Variants in SLC35D4 observed in about 807,000 individuals in gnomAD.
The protein encoded by SLC35D4 is solute carrier family 35 member D4, also known as UDP-N-acetylglucosamine transporter SLC35D4.
the SLC35D4 span, among the ~76,000 whole-genome samples, chr18:23,349,281 T>A: frequency 6.6e-6 from 1 of 152,240 alleles, no homozygotes; most frequent in East Asian, 1.9e-4. Flanking sequence ...TGTTTGTTGC[T>A]ATATTTGATG....
At chr18:23,287,227 C>A in the SLC35D4 span, among the ~76,000 whole-genome samples, 1 of 152,122 alleles carries the variant, frequency 6.6e-6, no homozygotes, top group Non-Finnish European at 1.5e-5. Flanking sequence ...CTATCCACCC[C>A]GTGGTGCCAA....
chr18:23,406,108 A>C, the SLC35D4 span, among the ~76,000 whole-genome samples: 4 of 152,242 alleles, frequency 2.6e-5, no homozygotes, highest in Non-Finnish European at 5.9e-5. Flanking sequence ...AGATATAGCA[A>C]CAAGTGATAC....
chr18:23,396,292 C>T, the SLC35D4 span, among the ~76,000 whole-genome samples: 4 of 152,190 alleles, frequency 2.6e-5, no homozygotes, highest in East Asian at 5.8e-4. Flanking sequence ...AATACATCTA[C>T]GGATTTTAAT....
the SLC35D4 span, among the ~76,000 whole-genome samples, chr18:23,425,094 C>T: frequency 6.6e-6 from 1 of 152,010 alleles, no homozygotes; most frequent in African/African-American, 2.4e-5. Context: ...AGAAAAATGA[C>T]TTTATTATTT....
the SLC35D4 span, among the ~76,000 whole-genome samples, chr18:23,274,451 G>C: frequency 2.6e-5 from 4 of 152,330 alleles, no homozygotes; most frequent in East Asian, 7.7e-4. Flanking sequence ...CCATGCCTTA[G>C]GACAAGGTGA....
At chr18:23,257,217 T>C in the SLC35D4 span, 2 of 1,603,464 alleles carry the variant, frequency 1.2e-6, no homozygotes, top group East Asian at 2.2e-5. Flanking sequence ...TGATTTTCTT[T>C]TTGTTGCAGA....
At chr18:23,277,953 C>T in the SLC35D4 span, among the ~76,000 whole-genome samples, 1 of 152,310 alleles carries the variant, frequency 6.6e-6, no homozygotes, top group Admixed American at 6.5e-5. Flanking sequence ...GAATATACAA[C>T]ACTTCTTAAG....
chr18:23,263,270 G>A, the SLC35D4 span, among the ~76,000 whole-genome samples: 6,319 of 152,290 alleles, frequency 0.041, 429 homozygotes, highest in African/African-American at 0.14. Flanking sequence ...TGGAGAGATG[G>A]CCTTGAGTTA....
the SLC35D4 span, among the ~76,000 whole-genome samples, chr18:23,276,525 G>C: frequency 6.6e-6 from 1 of 151,830 alleles, no homozygotes. Flanking sequence ...TGGGGCCCCA[G>C]CCTGGGGAGG....
chr18:23,406,279 C>A, the SLC35D4 span, among the ~76,000 whole-genome samples: 2 of 152,194 alleles, frequency 1.3e-5, no homozygotes, highest in Non-Finnish European at 1.5e-5. Flanking sequence ...AGAAACTTCA[C>A]ACATTTCCCT....
chr18:23,280,696 C>G, the SLC35D4 span, among the ~76,000 whole-genome samples: 5 of 152,064 alleles, frequency 3.3e-5, no homozygotes, highest in Admixed American at 2.0e-4. Flanking sequence ...GAACCCGGAC[C>G]CTTTATTCCC....
the SLC35D4 span, among the ~76,000 whole-genome samples, chr18:23,325,001 C>A: frequency 3.9e-5 from 6 of 152,284 alleles, no homozygotes; most frequent in South Asian, 1.0e-3. Context: ...GCAGTTTTAT[C>A]AGCAGACCAG....
At chr18:23,431,652 A>G in the SLC35D4 span, among the ~76,000 whole-genome samples, 43 of 152,156 alleles carry the variant, frequency 2.8e-4, no homozygotes, top group Middle Eastern at 6.8e-3. Flanking sequence ...CATAGGAGTC[A>G]TAGTTTTTGC....
At chr18:23,437,936 G>C in the SLC35D4 span, 54 of 1,445,290 alleles carry the variant, frequency 3.7e-5, no homozygotes, top group South Asian at 3.5e-4. Context: ...CAGCAGCAGC[G>C]GCAGCGGCAG....
chr18:23,362,615 A>G, the SLC35D4 span, among the ~76,000 whole-genome samples: 12 of 152,222 alleles, frequency 7.9e-5, no homozygotes, highest in African/African-American at 2.9e-4. Context: ...ACAAACAAAC[A>G]AAAAACAAAA....
chr18:23,397,201 G>A, the SLC35D4 span, among the ~76,000 whole-genome samples: 2 of 152,172 alleles, frequency 1.3e-5, no homozygotes, highest in Non-Finnish European at 2.9e-5. Context: ...GCCTCCAAGT[G>A]TCTCCAACCA....
At chr18:23,410,654 G>A in the SLC35D4 span, among the ~76,000 whole-genome samples, 30 of 151,988 alleles carry the variant, frequency 2.0e-4, no homozygotes, top group East Asian at 5.8e-4. Context: ...AAAAGTAGCC[G>A]GGCATCATGG....
chr18:23,270,145 C>G, the SLC35D4 span, among the ~76,000 whole-genome samples: 3 of 152,200 alleles, frequency 2.0e-5, no homozygotes, highest in Non-Finnish European at 4.4e-5. Context: ...CCAGGGCTCC[C>G]TGCTGTGGGG....
At chr18:23,373,173 G>A in the SLC35D4 span, among the ~76,000 whole-genome samples, 1 of 152,094 alleles carries the variant, frequency 6.6e-6, no homozygotes, top group African/African-American at 2.4e-5. Context: ...AAATTAGCTG[G>A]GCATGGTGGT....
Sources: allele counts gnomAD v4.1 joint callset (sites outside exome capture counted in the v4.1 genomes callset), GRCh38; gene constraint gnomAD v4.1.1; transcripts MANE v1.5; gene names NCBI Gene and HGNC (gene_info 2026-07-23, HGNC 2026-07-21).